Variants in TRIM24 observed in about 807,000 individuals in gnomAD.
TRIM24 encodes transcription intermediary factor 1-alpha.
Under a neutral mutation model 123.9 loss-of-function variants are expected in TRIM24, and 29 were observed. The ratio of observed to expected loss-of-function variants is 0.23; its 90% CI spans 0.17 to 0.32. The LOEUF is 0.32. TRIM24 is among the 10% of genes least tolerant of loss of function. The probability of loss-of-function intolerance (pLI) is 1.00; values close to 1 mark genes in which losing one functional copy is unlikely to be tolerated. For missense variants in TRIM24, 932 were observed against 1,295.3 expected (o/e 0.72, Z 4.31); for synonymous variants, 456 against 461.1 (o/e 0.99, Z 0.14).
Position 138,551,574 on chromosome 7 carries a change from A to C in TRIM24, c.1261+394A>C, listed in dbSNP as rs1299033781. ...ATGTATATGGTAACAAATATACATG[A>C]ATATAAACACACATACATGTATAGC... On this transcript the variant is annotated intron_variant, in intron 8 of 18. Coordinates refer to ENST00000343526, the MANE Select transcript of TRIM24 (RefSeq NM_015905.3). Among the ~76,000 whole-genome samples the C allele has an allele frequency of 2.6e-5, 4 of 152,228 alleles. No homozygotes were observed. In the East Asian group the frequency reaches 7.7e-4, roughly 29 times the overall value.
intron 6 of TRIM24, among the ~76,000 whole-genome samples, chr7:138,529,518 T>C (rs922059086): frequency 1.3e-5 from 2 of 152,194 alleles, no homozygotes; most frequent in African/African-American, 4.8e-5. Flanking sequence ...ATTTTCGAGA[T>C]GCACTGAAAT....
chr7:138,516,413 C>T (rs942307510), intron 3 of TRIM24, among the ~76,000 whole-genome samples: 4 of 152,160 alleles, frequency 2.6e-5, no homozygotes, highest in African/African-American at 7.2e-5. Context: ...CCAGGCTAGC[C>T]GTAGTGCAGT....
At chr7:138,538,225 G>A (rs999097357) in intron 6 of TRIM24, among the ~76,000 whole-genome samples, 39 of 152,142 alleles carry the variant, frequency 2.6e-4, no homozygotes, top group African/African-American at 9.2e-4. Context: ...CAAACTACTT[G>A]CAATTCCAAC....
intron 1 of TRIM24, among the ~76,000 whole-genome samples, chr7:138,499,003 T>C (rs1795974030): frequency 6.6e-6 from 1 of 152,220 alleles, no homozygotes; most frequent in African/African-American, 2.4e-5. Flanking sequence ...TCTATATGTT[T>C]ACTGATTTTT....
chr7:138,562,113 C>G (rs1797439744), intron 9 of TRIM24, among the ~76,000 whole-genome samples: 2 of 152,052 alleles, frequency 1.3e-5, no homozygotes, highest in Admixed American at 6.6e-5. Flanking sequence ...TGGAGGAGGT[C>G]TTGGGTTCCT....
At chr7:138,512,957 TAGG>T (rs1231533127) in intron 2 of TRIM24, among the ~76,000 whole-genome samples, 1 of 152,210 alleles carries the variant, frequency 6.6e-6, no homozygotes, top group Non-Finnish European at 1.5e-5. Flanking sequence ...TGCTCATACA[TAGG>T]AGCATAGGTT....
chr7:138,509,413 GAATTA>G (rs1282311046), intron 2 of TRIM24, among the ~76,000 whole-genome samples: 2 of 149,922 alleles, frequency 1.3e-5, no homozygotes, highest in African/African-American at 4.9e-5. Flanking sequence ...TTAAAATTAA[GAATTA>G]TAAGGCCAGG....
intron 7 of TRIM24, among the ~76,000 whole-genome samples, chr7:138,543,583 G>A (rs920745591): frequency 4.6e-5 from 7 of 152,096 alleles, no homozygotes; most frequent in African/African-American, 1.4e-4. Context: ...TAGCAGCCCT[G>A]AAACCTCAAG....
chr7:138,462,891 CG>C lies in TRIM24; in HGVS notation c.364+1981del, dbSNP rs548629929. ...TTATTTATTTATTTTTTTTTTGAGACGGAGTCTCGCTCTTCTTGCCCAGGCT... is the reference window on the plus strand; with the variant it reads ...TTATTTATTTATTTTTTTTTTGAGACGAGTCTCGCTCTTCTTGCCCAGGCT... On this transcript the variant is annotated intron_variant, in intron 1 of 18. Coordinates refer to ENST00000343526, the MANE Select transcript of TRIM24 (RefSeq NM_015905.3). Among the ~76,000 whole-genome samples the C allele has an allele frequency of 1.6e-3, 246 of 150,260 alleles. 1 individual carries two copies. The Middle Eastern group carries it at 0.028, about 17-fold the overall frequency.
chr7:138,565,354 A>G (rs1416340499), intron 9 of TRIM24, among the ~76,000 whole-genome samples: 1 of 152,012 alleles, frequency 6.6e-6, no homozygotes, highest in Non-Finnish European at 1.5e-5. Context: ...TTCCATTCTT[A>G]TGGGACAGGT....
At chr7:138,467,348 T>A (rs7799304) in intron 1 of TRIM24, among the ~76,000 whole-genome samples, 28 of 151,482 alleles carry the variant, frequency 1.8e-4, no homozygotes, top group South Asian at 2.1e-4. Context: ...TGTTTTGTTT[T>A]GTTTTGTTTT....
chr7:138,481,805 C>T (rs11763093), intron 1 of TRIM24, among the ~76,000 whole-genome samples: 15,120 of 151,658 alleles, frequency 0.1, 844 homozygotes, highest in South Asian at 0.15. Context: ...AGAGCAAGAC[C>T]CTGTCTCCAA....
At chr7:138,479,291 C>A (rs1424743916) in intron 1 of TRIM24, among the ~76,000 whole-genome samples, 1 of 152,130 alleles carries the variant, frequency 6.6e-6, no homozygotes, top group African/African-American at 2.4e-5. Flanking sequence ...TAGCCAGTAA[C>A]CCCAAAAGTT....
intron 2 of TRIM24, among the ~76,000 whole-genome samples, chr7:138,511,132 G>A (rs564886114): frequency 3.3e-5 from 5 of 152,202 alleles, no homozygotes; most frequent in Admixed American, 1.3e-4. Flanking sequence ...ATTGGCTCAC[G>A]GTTTCACTGG....
intron 11 of TRIM24, among the ~76,000 whole-genome samples, chr7:138,573,296 C>T (rs1334781921): frequency 6.6e-6 from 1 of 152,064 alleles, no homozygotes; most frequent in Non-Finnish European, 1.5e-5. Flanking sequence ...ATAGCGTCCT[C>T]AATATTTTAC....
At chr7:138,572,078 CTT>C (rs1455486488) in intron 11 of TRIM24, among the ~76,000 whole-genome samples, 3 of 152,078 alleles carry the variant, frequency 2.0e-5, no homozygotes, top group Admixed American at 6.6e-5. Flanking sequence ...GTGAAAATAA[CTT>C]TTTTATTTTC....
chr7:138,557,146 AGAGTCTCTG>A (rs1797331253), intron 9 of TRIM24, among the ~76,000 whole-genome samples: 1 of 152,140 alleles, frequency 6.6e-6, no homozygotes. Flanking sequence ...GGGTGTTGGG[AGAGTCTCTG>A]GAGCTCCTTC....
At chr7:138,484,127 G>A (rs1214212899) in intron 1 of TRIM24, among the ~76,000 whole-genome samples, 1 of 128,420 alleles carries the variant, frequency 7.8e-6, no homozygotes, top group Non-Finnish European at 1.6e-5. Flanking sequence ...TTTTTTTTTT[G>A]AGACGGAGTT....
chr7:138,499,737 A>G (rs1795994575), intron 1 of TRIM24, among the ~76,000 whole-genome samples: 1 of 151,820 alleles, frequency 6.6e-6, no homozygotes, highest in African/African-American at 2.4e-5. Context: ...AACTGGCTTG[A>G]TTCAAGGCAA....
Sources: gnomAD v4.1 joint callset for allele counts (sites outside exome capture counted in the v4.1 genomes callset) on GRCh38, gnomAD v4.1.1 for gene constraint, MANE v1.5 for transcripts, NCBI Gene and HGNC (gene_info 2026-07-23, HGNC 2026-07-21) for gene names.